The following PTPRD variants were observed in gnomAD, a reference collection of about 807,000 sequenced individuals.
PTPRD encodes the protein protein tyrosine phosphatase receptor type D.
In PTPRD, 34 loss-of-function variants were observed where a neutral mutation model predicts 214.5. The observed-to-expected ratio is 0.16, with a 90% CI of 0.12 to 0.21. The LOEUF is 0.21. Ranked by LOEUF, PTPRD falls within the 10% of genes least tolerant of loss-of-function variation. PTPRD has a pLI of 1.00. For synonymous variants in PTPRD, 1,128 were observed against 845.7 expected (o/e 1.33, Z -5.79); for missense variants, 2,545 against 2,398.7 (o/e 1.06, Z -1.27).
chr9:10,523,104 T>C (rs1482793770), intron 2 of PTPRD, among the ~76,000 whole-genome samples: 1 of 152,122 alleles, frequency 6.6e-6, no homozygotes, highest in Non-Finnish European at 1.5e-5. Flanking sequence ...TCATCAAAAT[T>C]TCTCTGTGGT....
At chr9:10,451,569 T>C (rs2098841931) in intron 2 of PTPRD, among the ~76,000 whole-genome samples, 1 of 151,678 alleles carries the variant, frequency 6.6e-6, no homozygotes, top group Non-Finnish European at 1.5e-5. Context: ...ATTAAAATAC[T>C]ATCTACCTCG....
At chr9:10,188,667 G>A (rs150066981) in intron 3 of PTPRD, among the ~76,000 whole-genome samples, 26 of 152,038 alleles carry the variant, frequency 1.7e-4, no homozygotes, top group African/African-American at 6.0e-4. Context: ...ACTAGTAGAA[G>A]TCATGGGTGT....
intron 11 of PTPRD, among the ~76,000 whole-genome samples, chr9:8,951,642 C>G (rs2099102799): frequency 6.6e-6 from 1 of 152,070 alleles, no homozygotes; most frequent in East Asian, 1.9e-4. Flanking sequence ...AGGCCAGAAA[C>G]CTTTAAATTA....
At chr9:10,537,569 T>C (rs2058118873) in intron 2 of PTPRD, among the ~76,000 whole-genome samples, 1 of 152,196 alleles carries the variant, frequency 6.6e-6, no homozygotes, top group Non-Finnish European at 1.5e-5. Context: ...CATTGTTTTT[T>C]CTTGAACTGT....
At chr9:8,488,453 G>A (rs1410942826) in intron 27 of PTPRD, among the ~76,000 whole-genome samples, 1 of 152,040 alleles carries the variant, frequency 6.6e-6, no homozygotes, top group East Asian at 1.9e-4. Flanking sequence ...GTGTTGTGTT[G>A]TATATATAAA....
intron 8 of PTPRD, among the ~76,000 whole-genome samples, chr9:9,406,192 C>A (rs532990311): frequency 6.6e-6 from 1 of 151,870 alleles, no homozygotes; most frequent in Non-Finnish European, 1.5e-5. Flanking sequence ...AAAATTATCA[C>A]CTGAAAAGTG....
chr9:10,353,964 C>A (rs912730517), intron 2 of PTPRD, among the ~76,000 whole-genome samples: 2 of 151,974 alleles, frequency 1.3e-5, no homozygotes, highest in Non-Finnish European at 1.5e-5. Flanking sequence ...TATTAAATAA[C>A]TGAAGCATAA....
At chr9:9,431,124 G>A (rs1057068179) in intron 8 of PTPRD, among the ~76,000 whole-genome samples, 1 of 152,156 alleles carries the variant, frequency 6.6e-6, no homozygotes, top group Non-Finnish European at 1.5e-5. Context: ...GCAACCTACA[G>A]AATGGGAGAA....
At chr9:10,509,557 T>TTTTATATA (rs1555449948) in intron 2 of PTPRD, among the ~76,000 whole-genome samples, 7 of 106,690 alleles carry the variant, frequency 6.6e-5, no homozygotes, top group African/African-American at 2.8e-4. Context: ...TTAATAAATA[T>TTTTATATA]TATATATATA....
chr9:10,165,987 A>G (rs964265591), intron 3 of PTPRD, among the ~76,000 whole-genome samples: 30 of 150,216 alleles, frequency 2.0e-4, no homozygotes, highest in Non-Finnish European at 3.3e-4. Flanking sequence ...ATAAAGCTAT[A>G]TATTAAAATA....
intron 14 of PTPRD, among the ~76,000 whole-genome samples, chr9:8,542,932 A>G (rs2078860862): frequency 6.6e-6 from 1 of 152,228 alleles, no homozygotes; most frequent in Non-Finnish European, 1.5e-5. Flanking sequence ...ATTTGAAGAC[A>G]GTTGAGCATG....
chr9:8,693,654 C>A (rs564228122), intron 12 of PTPRD, among the ~76,000 whole-genome samples: 6 of 152,270 alleles, frequency 3.9e-5, no homozygotes, highest in African/African-American at 9.6e-5. Flanking sequence ...TCTCTGGTTA[C>A]GAGGAAATGT....
intron 12 of PTPRD, among the ~76,000 whole-genome samples, chr9:8,724,108 T>A (rs186561773): frequency 6.6e-6 from 1 of 152,160 alleles, no homozygotes; most frequent in Non-Finnish European, 1.5e-5. Flanking sequence ...TAACAGATAT[T>A]AACAAAAAGA....
chr9:8,696,804 A>G (rs1391467486), intron 12 of PTPRD, among the ~76,000 whole-genome samples: 3 of 152,216 alleles, frequency 2.0e-5, no homozygotes, highest in Non-Finnish European at 2.9e-5. Flanking sequence ...TTAAATCCAC[A>G]TAAATTGCTT....
chr9:9,993,723 T>C (rs1463725981), intron 4 of PTPRD, among the ~76,000 whole-genome samples: 1 of 152,178 alleles, frequency 6.6e-6, no homozygotes, highest in Non-Finnish European at 1.5e-5. Flanking sequence ...ACTAATTACA[T>C]GCGTCTGGTC....
At chr9:9,261,354 C>T (rs762535694) in intron 9 of PTPRD, among the ~76,000 whole-genome samples, 50 of 151,694 alleles carry the variant, frequency 3.3e-4, no homozygotes, top group Non-Finnish European at 4.9e-4. Context: ...TCTTTTATTC[C>T]GATTTTAATG....
At chr9:9,765,357 G>C (rs1317823879) in intron 6 of PTPRD, among the ~76,000 whole-genome samples, 1 of 152,138 alleles carries the variant, frequency 6.6e-6, no homozygotes, top group African/African-American at 2.4e-5. Context: ...GTTTGCATGA[G>C]ATAGAACAGG....
chr9:10,341,487 C>T (rs144091361), intron 2 of PTPRD, among the ~76,000 whole-genome samples: 10 of 151,922 alleles, frequency 6.6e-5, no homozygotes, highest in Non-Finnish European at 8.8e-5. Context: ...TAATGTTTTG[C>T]GTTTCAAAGA....
At chr9:8,940,978 T>C (rs2099030526) in intron 11 of PTPRD, among the ~76,000 whole-genome samples, 1 of 152,144 alleles carries the variant, frequency 6.6e-6, no homozygotes, top group Non-Finnish European at 1.5e-5. Context: ...TGAATGCTTA[T>C]AGACTAAAGG....
Sources: allele counts gnomAD v4.1 joint callset (sites outside exome capture counted in the v4.1 genomes callset), GRCh38; gene constraint gnomAD v4.1.1; transcripts MANE v1.5; gene names NCBI Gene and HGNC (gene_info 2026-07-23, HGNC 2026-07-21).